The following EXOC5 variants were observed in gnomAD, a reference collection of about 807,000 sequenced individuals.
The protein encoded by EXOC5 is exocyst complex component 5.
EXOC5 carries 17 observed loss-of-function variants against 90.8 expected under a neutral mutation model. That is an observed-to-expected ratio of 0.19 (90% CI 0.13 to 0.28). The LOEUF is 0.28. Ranked by LOEUF, EXOC5 falls within the 10% of genes least tolerant of loss-of-function variation. EXOC5 has a pLI of 1.00. For synonymous variants in EXOC5, 260 were observed against 270.0 expected (o/e 0.96, Z 0.36); for missense variants, 569 against 830.6 (o/e 0.69, Z 3.87).
intron 5 of EXOC5, 186 bp downstream of exon 5, chr14:57,239,409 T>C (rs1356161260): frequency 1.6e-5 from 7 of 432,502 alleles, no homozygotes; most frequent in Non-Finnish European, 2.9e-5. Flanking sequence ...GAGACTGTAT[T>C]TTTTCAATAA....
At chr14:57,248,265 T>A (rs1884085929) in intron 1 of EXOC5, among the ~76,000 whole-genome samples, 2 of 151,952 alleles carry the variant, frequency 1.3e-5, no homozygotes, top group Admixed American at 1.3e-4. Context: ...GTAATTCCAT[T>A]TTTAAAATCT....
Position 57,232,751 on chromosome 14 carries a change from TA to T in EXOC5, c.856-3del. 1 of 1,448,298 alleles carries T rather than the reference TA, an allele frequency of 6.9e-7. No homozygotes were observed. Among genetic ancestry groups the T allele is most frequent in the Non-Finnish European group, 9.5e-7 (1 of 1,050,400 alleles). 89.7% of individuals were successfully genotyped at this position (1,448,298 alleles called of 1,614,324 possible). A position where few individuals can be genotyped will look rare whatever the true frequency, so the allele number is the denominator to read the frequency against. On this transcript the variant is annotated splice_region_variant and splice_polypyrimidine_tract_variant and intron_variant, in intron 9 of 17. Transcript: ENST00000621441. ...TTCTAACTGCTCTTTCACAAAACTC[TA>T]AAAGAAAAAGGTTAACATTCTGTTA...
chr14:57,266,488 A>G (rs1884671857), intron 1 of EXOC5, among the ~76,000 whole-genome samples: 1 of 152,152 alleles, frequency 6.6e-6, no homozygotes, highest in South Asian at 2.1e-4. Flanking sequence ...AATTGTAACT[A>G]TTATGCTTTT....
chr14:57,231,228 C>T (rs936369156), intron 11 of EXOC5, among the ~76,000 whole-genome samples: 1 of 151,906 alleles, frequency 6.6e-6, no homozygotes, highest in African/African-American at 2.4e-5. Context: ...AGGCTGGTCT[C>T]GAACTCCAGA....
intron 16 of EXOC5, 46 bp downstream of exon 16, chr14:57,209,907 A>G: frequency 8.3e-7 from 1 of 1,210,784 alleles, no homozygotes; most frequent in East Asian, 2.4e-5. Context: ...GGATACACCA[A>G]TGAAAATGTT....
rs1328805534 is a variant in EXOC5, at chr14:57,202,537, T to C, written c.*6072A>G. On this transcript the variant is annotated 3_prime_UTR_variant, in exon 18 of 18. Coordinates refer to ENST00000621441, the MANE Select transcript of EXOC5 (RefSeq NM_006544.4). ...TTTACAACCCTTCTGTTAAGTCTGA[T>C]TGTTTCAAAAATTTTTCTTTAAAAA... The C allele has an allele frequency of 5.3e-5, 8 of 152,052 alleles. No individual in the cohort carries two copies. The Admixed American group carries it at 5.3e-4, about 10-fold the overall frequency. 9.4% of individuals were successfully genotyped at this position (152,052 alleles called of 1,614,324 possible). A position where few individuals can be genotyped will look rare whatever the true frequency, so the allele number is the denominator to read the frequency against.
chr14:57,244,995 CAAA>C (rs202230061), intron 3 of EXOC5, among the ~76,000 whole-genome samples: 8 of 79,130 alleles, frequency 1.0e-4, no homozygotes, highest in Admixed American at 1.5e-4. Context: ...AACTCTGCCT[CAAA>C]AAAAAAAAAA....
rs759871538 is a variant in EXOC5, at chr14:57,244,176, T to C, written c.454A>G (p.Asn152Asp). The C allele has an allele frequency of 6.2e-7, 1 of 1,612,370 alleles. No homozygotes were observed. The highest frequency in any genetic ancestry group is 8.5e-7 in the Non-Finnish European group (1 of 1,178,538). Residue 152 changes from asparagine to aspartate, a missense_variant, in exon 4 of 18, where the codon AAT becomes GAT. Coordinates refer to ENST00000621441, the MANE Select transcript of EXOC5 (RefSeq NM_006544.4). ...CTGACAGCACTTACCTTTTCAGAAT[T>C]TGTAAAAACATCAGATTTCAATTCT... ...DGELKSDVFT[N>D]SEKIKEAADI...
In EXOC5 at chr14:57,229,786, A is replaced by G. The variant is rs763968115; in HGVS notation, c.1244T>C (p.Val415Ala). The G allele has an allele frequency of 3.1e-5, 47 of 1,527,200 alleles. No homozygotes were observed. The highest frequency in any genetic ancestry group is 3.9e-5 in the Non-Finnish European group (44 of 1,130,892). The allele number at this position is 1,527,200 out of a possible 1,614,324, so 94.6% of individuals were successfully genotyped here. Residue 415 changes from valine (V) to alanine (A), a missense_variant, in exon 12 of 18, where the codon GTG (valine) becomes GCG (alanine). Physicochemically the swap from Val to Ala is moderately conservative, Grantham distance 64. Coordinates refer to ENST00000621441, the MANE Select transcript of EXOC5 (RefSeq NM_006544.4). ...THGETFLSQE[V>A]VVNLLQETKQ... ...GGTTTCTTGTAAAAGATTAACCACC[A>G]CTTCTTGGGATAGAAAAGTCTCCCC...
At chr14:57,246,312 G>A (rs1305772638) in intron 3 of EXOC5, among the ~76,000 whole-genome samples, 2 of 152,150 alleles carry the variant, frequency 1.3e-5, no homozygotes, top group East Asian at 3.8e-4. Context: ...ACCTAATTCA[G>A]ACAATAGCTG....
rs71104542 is a variant in EXOC5, at chr14:57,201,568, TTATATATATA to T, written c.*7031_*7040del. ...ACATATATTTTTATATATATTAATA[TTATATATATA>T]TATATATATATATATATAAAGGATG... is the stretch of plus-strand genomic sequence containing the variant. On this transcript the variant is annotated 3_prime_UTR_variant, in exon 18 of 18. Transcript: ENST00000621441. 3.2e-5 allele frequency: 3 copies of T among 93,404 alleles called. No individual in the cohort carries two copies. Among genetic ancestry groups the T allele is most frequent in the Non-Finnish European group, 5.8e-5 (3 of 51,428 alleles). The allele number at this position is 93,404 out of a possible 1,614,324, so 5.8% of individuals were successfully genotyped here. A position where few individuals can be genotyped will look rare whatever the true frequency, so the allele number is the denominator to read the frequency against.
chr14:57,251,288 T>G (rs1884184517), intron 1 of EXOC5, among the ~76,000 whole-genome samples: 1 of 152,178 alleles, frequency 6.6e-6, no homozygotes, highest in African/African-American at 2.4e-5. Flanking sequence ...AAGGACCCTG[T>G]CCTCCAAATA....
rs115087428 is a variant in EXOC5 at position 57,212,092 on chromosome 14, C to T, written c.1614-2031G>A. 4.6e-5 allele frequency among the ~76,000 whole-genome samples: 7 copies of T among 152,254 alleles called. No individual in the cohort carries two copies. In the East Asian group the frequency reaches 1.2e-3, roughly 25 times the overall value. On this transcript the variant is annotated intron_variant, in intron 15 of 17. Coordinates refer to ENST00000621441, the MANE Select transcript of EXOC5 (RefSeq NM_006544.4). The stretch of plus-strand genomic sequence containing the variant: ...TTGCCTCAGGCTGGTCCCAAACTCC[C>T]GGGCTCAAGTGATCCTCCTGCCTCA...
rs1234237686 is a variant in EXOC5, at chr14:57,206,069, G to GA, written c.*2539dup. 2.3e-6 allele frequency: 1 copy of GA among 443,898 alleles called. No individual in the cohort carries two copies. The highest frequency in any genetic ancestry group is 1.6e-5 in the South Asian group (1 of 62,990). The allele number at this position is 443,898 out of a possible 1,614,324, so 27.5% of individuals were successfully genotyped here. On this transcript the variant is annotated 3_prime_UTR_variant, in exon 18 of 18. Transcript: ENST00000621441. The stretch of plus-strand genomic sequence containing the variant: ...GTATTTCAGATATTTCTCAATTTTA[G>GA]AAAAACAATGCACAGTGTGTTAAGA...
chr14:57,233,666 A>T (rs543554740), intron 9 of EXOC5, 77 bp downstream of exon 9: 205 of 916,756 alleles, frequency 2.2e-4, no homozygotes, highest in Middle Eastern at 1.7e-3. Context: ...ACTAAATTTT[A>T]AAAATACTTT....
rs1555366652 is a variant in EXOC5 at position 57,201,493 on chromosome 14, CGT to C, written c.*7114_*7115del. ...ATGTACACACACGTGTATAAACACA[CGT>C]GTATATACACACACATATGTATATA... is the stretch of plus-strand genomic sequence containing the variant. On this transcript the variant is annotated 3_prime_UTR_variant, in exon 18 of 18. Transcript: ENST00000621441. 1 of 144,568 alleles carries C rather than the reference CGT, an allele frequency of 6.9e-6. No homozygotes were observed. The highest frequency in any genetic ancestry group is 1.5e-5 in the Non-Finnish European group (1 of 66,792). The allele number at this position is 144,568 out of a possible 1,614,324, so 9.0% of individuals were successfully genotyped here. A position where few individuals can be genotyped will look rare whatever the true frequency, so the allele number is the denominator to read the frequency against.
chr14:57,264,423 A>C (rs766197757), intron 1 of EXOC5, among the ~76,000 whole-genome samples: 11 of 152,170 alleles, frequency 7.2e-5, no homozygotes, highest in South Asian at 2.1e-4. Flanking sequence ...TCATACTCTA[A>C]TTTGGAAGTC....
intron 11 of EXOC5, among the ~76,000 whole-genome samples, chr14:57,230,729 C>T (rs992312581): frequency 2.1e-4 from 32 of 152,218 alleles, no homozygotes; most frequent in African/African-American, 7.2e-4. Context: ...TTCTTCTAGT[C>T]TGTAAATAAT....
At chr14:57,251,217 G>C (rs1407317924) in intron 1 of EXOC5, among the ~76,000 whole-genome samples, 1 of 152,206 alleles carries the variant, frequency 6.6e-6, no homozygotes, top group Non-Finnish European at 1.5e-5. Flanking sequence ...CTGTGGCAGA[G>C]TGCTGTCCAA....
Sources: allele counts gnomAD v4.1 joint callset (sites outside exome capture counted in the v4.1 genomes callset), GRCh38; gene constraint gnomAD v4.1.1; transcripts MANE v1.5; gene names NCBI Gene and HGNC (gene_info 2026-07-23, HGNC 2026-07-21).